DGKI: variants seen among roughly 807,000 people sequenced by gnomAD.
DGKI encodes DAG kinase iota.
DGKI carries 55 observed loss-of-function variants against 147.5 expected under a neutral mutation model. The ratio of observed to expected loss-of-function variants is 0.37; its 90% CI spans 0.30 to 0.47. DGKI has a LOEUF of 0.47. DGKI is among the 20% of genes least tolerant of loss of function. The pLI, the probability that DGKI is intolerant of heterozygous loss-of-function variation, is 1.00. For synonymous variants in DGKI, 469 were observed against 477.1 expected (o/e 0.98, Z 0.22); for missense variants, 1,007 against 1,323.8 (o/e 0.76, Z 3.71).
chr7:137,788,477 T>C (rs531329068), intron 1 of DGKI, among the ~76,000 whole-genome samples: 2 of 152,240 alleles, frequency 1.3e-5, no homozygotes, highest in East Asian at 3.9e-4. Context: ...CTCCCAGACA[T>C]GACTTCTCTT....
chr7:137,742,151 T>A (rs1454862516), intron 1 of DGKI, among the ~76,000 whole-genome samples: 1 of 152,110 alleles, frequency 6.6e-6, no homozygotes, highest in Admixed American at 6.5e-5. Context: ...GGAAAAGAGA[T>A]AAACTCACAC....
rs575351336 is a variant in DGKI, at chr7:137,383,477, T to A, written c.*7743A>T. Reference sequence around the variant, plus strand: ...AGGAACCTGGGGGAAAAAAATAGGCTCAAATTGAGTTCTGTTCCAGTCTAA... The same window carrying A: ...AGGAACCTGGGGGAAAAAAATAGGCACAAATTGAGTTCTGTTCCAGTCTAA... On this transcript the variant is annotated 3_prime_UTR_variant, in exon 33 of 33. Transcript: ENST00000614521. The A allele has an allele frequency of 6.6e-6, 1 of 151,742 alleles. No homozygotes were observed. The highest frequency in any genetic ancestry group is 2.1e-4 in the South Asian group (1 of 4,810). The allele number at this position is 151,742 out of a possible 1,614,324, so 9.4% of individuals were successfully genotyped here. A position where few individuals can be genotyped will look rare whatever the true frequency, so the allele number is the denominator to read the frequency against.
At chr7:137,518,961 T>A (rs1414319661) in intron 21 of DGKI, among the ~76,000 whole-genome samples, 1 of 152,064 alleles carries the variant, frequency 6.6e-6, no homozygotes, top group Non-Finnish European at 1.5e-5. Flanking sequence ...CCACTTTCTC[T>A]TTATGTTCTA....
intron 28 of DGKI, among the ~76,000 whole-genome samples, chr7:137,420,739 C>G (rs968937733): frequency 9.9e-5 from 15 of 152,052 alleles, no homozygotes; most frequent in Admixed American, 3.9e-4. Flanking sequence ...TCAGATGTGA[C>G]CGAGCACTGT....
Position 137,578,961 on chromosome 7 carries a change from G to C in DGKI, c.1643-636C>G, listed in dbSNP as rs116048306. Among the ~76,000 whole-genome samples the C allele has an allele frequency of 3.6e-3, 546 of 152,274 alleles. 4 individuals carry two copies. Among genetic ancestry groups the C allele is most frequent in the African/African-American group, 0.012 (513 of 41,556 alleles). On this transcript the variant is annotated intron_variant, in intron 15 of 32. Coordinates refer to ENST00000614521, the MANE Select transcript of DGKI (RefSeq NM_001321708.2). ...ACAATATATGTAGTTATGCTGAGAA[G>C]TGTCCATTTGATGGGCTATATTTAC...
chr7:137,613,550 T>G (rs1475757765), intron 8 of DGKI, among the ~76,000 whole-genome samples: 1 of 152,114 alleles, frequency 6.6e-6, no homozygotes, highest in Non-Finnish European at 1.5e-5. Context: ...GCTATTACAT[T>G]TCATGGGTTC....
At chr7:137,792,573 C>T (rs1796888311) in intron 1 of DGKI, among the ~76,000 whole-genome samples, 4 of 152,146 alleles carry the variant, frequency 2.6e-5, no homozygotes, top group Non-Finnish European at 5.9e-5. Flanking sequence ...TTTTTCTAGG[C>T]AACTAGTATG....
intron 28 of DGKI, among the ~76,000 whole-genome samples, 187 bp from the exon 29 acceptor site, chr7:137,412,394 G>A (rs552075793): frequency 4.6e-5 from 7 of 152,192 alleles, no homozygotes; most frequent in East Asian, 1.9e-4. Flanking sequence ...CCCATTCCAC[G>A]CACCCTTCTA....
At chr7:137,723,691 T>C (rs1316232984) in intron 1 of DGKI, among the ~76,000 whole-genome samples, 2 of 147,924 alleles carry the variant, frequency 1.4e-5, no homozygotes, top group Non-Finnish European at 3.0e-5. Flanking sequence ...TAAGGTATCA[T>C]GATATCCCTT....
chr7:137,789,903 T>A (rs1796797692), intron 1 of DGKI, among the ~76,000 whole-genome samples: 1 of 152,188 alleles, frequency 6.6e-6, no homozygotes, highest in Admixed American at 6.5e-5. Flanking sequence ...ATTACCTAGG[T>A]AACACCATAG....
At position 137,535,401 on chromosome 7, in the gene DGKI, T is replaced by C. The variant is rs868600653; in HGVS notation, c.2148-13435A>G. 4.6e-5 allele frequency among the ~76,000 whole-genome samples: 7 copies of C among 152,278 alleles called. No individual in the cohort carries two copies. In the South Asian group the frequency reaches 6.2e-4, roughly 14 times the overall value. ...ACAAGTGTTGTATCTGTTGGACTAATTGTATCTCTAAAGTCAGATTTCTAT... is the reference window on the plus strand; with the variant it reads ...ACAAGTGTTGTATCTGTTGGACTAACTGTATCTCTAAAGTCAGATTTCTAT... On this transcript the variant is annotated intron_variant, in intron 20 of 32. Coordinates refer to ENST00000614521, the MANE Select transcript of DGKI (RefSeq NM_001321708.2).
At position 137,801,809 on chromosome 7, in the gene DGKI, A is replaced by T. The variant is rs535556279; in HGVS notation, c.401+44653T>A. Reference sequence around the variant, plus strand: ...ATATGGGTTTGTGGCTGGGAAAAGCATCCTCCAAAAGAATTGCAGCCCTCA... The same window carrying T: ...ATATGGGTTTGTGGCTGGGAAAAGCTTCCTCCAAAAGAATTGCAGCCCTCA... On this transcript the variant is annotated intron_variant, in intron 1 of 32. Transcript: ENST00000614521. Among the ~76,000 whole-genome samples the T allele has an allele frequency of 1.1e-4, 17 of 152,302 alleles. No individual in the cohort carries two copies. In the East Asian group the frequency reaches 3.3e-3, roughly 29 times the overall value.
At chr7:137,567,440 T>C (rs187623888) in intron 19 of DGKI, among the ~76,000 whole-genome samples, 8 of 152,130 alleles carry the variant, frequency 5.3e-5, no homozygotes, top group Non-Finnish European at 1.5e-5. Flanking sequence ...TGGGGGAAAA[T>C]ATATGTAGTG....
rs1044524142 is a variant in DGKI, at chr7:137,642,564, T to C, written c.804+2908A>G. Among the ~76,000 whole-genome samples, 11 of 152,276 alleles carry C rather than the reference T, an allele frequency of 7.2e-5. No individual in the cohort carries two copies. In the South Asian group the frequency reaches 1.9e-3, roughly 26 times the overall value. On this transcript the variant is annotated intron_variant, in intron 6 of 32. Transcript: ENST00000614521. ...GGCTCTTTTCTGCCTTGACCCTGAC[T>C]CTTATGTAATCAAGGACTATGAATG... is the stretch of plus-strand genomic sequence containing the variant.
intron 32 of DGKI, among the ~76,000 whole-genome samples, chr7:137,392,873 G>A (rs1009400198): frequency 5.3e-5 from 8 of 152,136 alleles, no homozygotes; most frequent in Non-Finnish European, 1.2e-4. Flanking sequence ...AGAAGATTCA[G>A]TTGTAATGAT....
intron 1 of DGKI, among the ~76,000 whole-genome samples, chr7:137,732,116 T>C (rs1794902534): frequency 6.6e-6 from 1 of 152,094 alleles, no homozygotes; most frequent in African/African-American, 2.4e-5. Flanking sequence ...GCTAATACCA[T>C]CTATATAAAT....
At chr7:137,439,669 G>A (rs994150788) in intron 28 of DGKI, among the ~76,000 whole-genome samples, 8 of 152,172 alleles carry the variant, frequency 5.3e-5, no homozygotes, top group Admixed American at 2.0e-4. Flanking sequence ...AAGTACAGCC[G>A]TCTCCAAGCC....
Position 137,444,100 on chromosome 7 carries a change from G to A in DGKI, c.2738C>T (p.Ser913Leu). ...KDLSHSRVLQSPVSSEDHAIL... is the reference protein window; with the variant it reads ...KDLSHSRVLQLPVSSEDHAIL... ...ACCATGATCTTCTGAAGAGACTGGT[G>A]ACCTAAAAGGAAATAATAAGCATGA... The change falls in exon 28 of 33, where the codon TCA becomes TTA. Residue 913 changes from serine to leucine, a missense_variant and splice_region_variant. By Grantham distance (145) the Ser-to-Leu change is moderately radical. Around this residue, in one of 5 missense-constraint regions of DGKI, gnomAD observed 385 missense variants for 445.2 expected, o/e 0.86. Coordinates refer to ENST00000614521, the MANE Select transcript of DGKI (RefSeq NM_001321708.2). 6.7e-7 allele frequency: 1 copy of A among 1,498,678 alleles called. No individual in the cohort carries two copies. 92.8% of individuals were successfully genotyped at this position (1,498,678 alleles called of 1,614,324 possible).
chr7:137,759,763 T>C (rs1315470808), intron 1 of DGKI, among the ~76,000 whole-genome samples: 4 of 152,306 alleles, frequency 2.6e-5, no homozygotes, highest in Admixed American at 1.3e-4. Context: ...GTGAAGAGTT[T>C]ACACCAAGAT....
Sources: gnomAD v4.1 joint callset for allele counts (sites outside exome capture counted in the v4.1 genomes callset) on GRCh38, gnomAD v4.1.1 for gene constraint, gnomAD v4.1.1 regional missense constraint, MANE v1.5 for transcripts, NCBI Gene and HGNC (gene_info 2026-07-23, HGNC 2026-07-21) for gene names.